Variants in PKP3 observed in about 807,000 individuals in gnomAD.
The protein encoded by PKP3 is plakophilin 3, also known as plakophilin-3.
In PKP3, 66 loss-of-function variants were observed where a neutral mutation model predicts 76.5. That is an observed-to-expected ratio of 0.86 (90% CI 0.71 to 1.06). The LOEUF is 1.06. PKP3 is among the 50% of genes least tolerant of loss of function. The pLI is 0.00. For missense variants in PKP3, 1,338 were observed against 1,141.0 expected, an observed-to-expected ratio of 1.17 and a Z score of -2.49; for synonymous variants, 638 against 516.5, an observed-to-expected ratio of 1.24 and a Z score of -3.19.
In PKP3 at chr11:400,615, G is replaced by A; in HGVS notation, c.1647G>A (p.Arg549=). 2 of 1,435,432 alleles carry A rather than the reference G, an allele frequency of 1.4e-6. No individual in the cohort carries two copies. 88.9% of individuals were successfully genotyped at this position (1,435,432 alleles called of 1,614,324 possible). A position where few individuals can be genotyped will look rare whatever the true frequency, so the allele number is the denominator to read the frequency against. The change falls in exon 8 of 13, where the codon CGG becomes CGA. Residue 549 remains arginine, a synonymous_variant. Transcript: ENST00000331563. ...YDEMPPSALQ[R]LEGRGRRDLA... ...AGATGCCGCCGTCCGCGCTGCAGCG[G>A]CTGGAGGGTCGCGGCCGCAGGGACC...
At chr11:396,262 A>C (rs1384033893) in intron 1 of PKP3, 2 of 263,054 alleles carry the variant, frequency 7.6e-6, no homozygotes, top group Non-Finnish European at 1.4e-5. Flanking sequence ...TTCCTGGAGG[A>C]GGCTGGGCAC....
In PKP3 at chr11:404,686, T is replaced by A; in HGVS notation, c.*117T>A. Reference sequence around the variant, plus strand: ...GGCTAATGACGGAGGGGCCCCTCGCTGGGGCCCCTGTGTGCATCTTTGAGG... The same window carrying A: ...GGCTAATGACGGAGGGGCCCCTCGCAGGGGCCCCTGTGTGCATCTTTGAGG... On this transcript the variant is annotated 3_prime_UTR_variant, in exon 13 of 13. Transcript: ENST00000331563. This position sits in a 1 kb window ranked among gnomAD's most constrained non-coding sequence, Gnocchi z 4.2. The A allele has an allele frequency of 2.7e-5, 25 of 938,512 alleles. No individual in the cohort carries two copies. The highest frequency in any genetic ancestry group is 3.7e-5 in the Non-Finnish European group (22 of 601,218). 58.1% of individuals were successfully genotyped at this position (938,512 alleles called of 1,614,324 possible).
chr11:404,839 G>C lies in PKP3; in HGVS notation c.*270G>C. ...TGACCCAGTCACATTGGCAGAGGTG[G>C]GGGTTGGCTGTGGCCTGGCAGTATC... On this transcript the variant is annotated 3_prime_UTR_variant, in exon 13 of 13. Transcript: ENST00000331563. This position sits in a 1 kb window ranked among gnomAD's most constrained non-coding sequence, Gnocchi z 4.2. The C allele has an allele frequency of 1.9e-6, 1 of 529,800 alleles. No individual in the cohort carries two copies. Among genetic ancestry groups the C allele is most frequent in the Non-Finnish European group, 3.4e-6 (1 of 292,390 alleles). The allele number at this position is 529,800 out of a possible 1,614,324, so 32.8% of individuals were successfully genotyped here. A position where few individuals can be genotyped will look rare whatever the true frequency, so the allele number is the denominator to read the frequency against.
rs116776168 is a variant in PKP3, at chr11:395,994, G to A, written c.233-614G>A. 9.7e-3 allele frequency among the ~76,000 whole-genome samples: 1,473 copies of A among 151,974 alleles called. 38 individuals are homozygous for A. Among genetic ancestry groups the A allele is most frequent in the African/African-American group, 0.034 (1,403 of 41,474 alleles). On this transcript the variant is annotated intron_variant, in intron 1 of 12. Transcript: ENST00000331563. Reference sequence around the variant, plus strand: ...CTGCCTGTCCCTCCATCCACCCTCCGCCCTCCACCCTCTGCCCACCCACCT... The same window carrying A: ...CTGCCTGTCCCTCCATCCACCCTCCACCCTCCACCCTCTGCCCACCCACCT...
At chr11:400,268 C>A in intron 6 of PKP3, 66 bp from the exon 7 acceptor site, 3 of 1,442,462 alleles carry the variant, frequency 2.1e-6, no homozygotes, top group Non-Finnish European at 2.8e-6. Context: ...CGAGGGCCCA[C>A]GATGGGTTGG....
rs913005931 is a variant in PKP3 at position 394,387 on chromosome 11, G to C, written c.95G>C (p.Gly32Ala). 1.3e-6 allele frequency: 2 copies of C among 1,490,780 alleles called. No homozygotes were observed. Among genetic ancestry groups the C allele is most frequent in the Non-Finnish European group, 1.8e-6 (2 of 1,128,294 alleles). 92.3% of individuals were successfully genotyped at this position (1,490,780 alleles called of 1,614,324 possible). ...TCTGACCTGCAGCTGGACCGCCGGG[G>C]CGCCGAGGGGCCGGAGGCCGAGCGG... ...LPSDLQLDRRGAEGPEAERLR... is the reference protein window; with the variant it reads ...LPSDLQLDRRAAEGPEAERLR... The change falls in exon 1 of 13, where the codon GGC (glycine) becomes GCC (alanine). Residue 32 changes from glycine to alanine, a missense_variant. By Grantham distance (60) the Gly-to-Ala change is moderately conservative (BLOSUM62 0). Transcript: ENST00000331563.
At chr11:396,424 CAT>C (rs769763983) in intron 1 of PKP3, 182 bp from the exon 2 acceptor site, 2 of 540,732 alleles carry the variant, frequency 3.7e-6, no homozygotes, top group Non-Finnish European at 6.5e-6. Context: ...CCAGGGCTGA[CAT>C]GTGAGGAGAC....
intron 8 of PKP3, 76 bp downstream of exon 8, chr11:400,781 C>A (rs1167755444): frequency 2.5e-6 from 2 of 788,054 alleles, no homozygotes; most frequent in South Asian, 6.2e-5. Context: ...CGCTCACCCC[C>A]GCCCCGCTCA....
chr11:397,271 G>T lies in PKP3; in HGVS notation c.770G>T (p.Ser257Ile). ...CGGACCCTGCAGCGATTCCAGAGCAGCCACCGGAGCCGCGGGGTAGGCGGG... is the reference window on the plus strand; with the variant it reads ...CGGACCCTGCAGCGATTCCAGAGCATCCACCGGAGCCGCGGGGTAGGCGGG... ...AVRTLQRFQS[S>I]HRSRGVGGAV... The change falls in exon 3 of 13, where the codon AGC becomes ATC. Residue 257 changes from serine to isoleucine, a missense_variant. Physicochemically the swap from Ser to Ile is moderately radical, Grantham distance 142 (BLOSUM62 -2). Coordinates refer to ENST00000331563, the MANE Select transcript of PKP3 (RefSeq NM_007183.4). The T allele has an allele frequency of 6.3e-7, 1 of 1,597,324 alleles. No individual in the cohort carries two copies.
intron 8 of PKP3, 73 bp downstream of exon 8, chr11:400,778 C>CCCCGCCCCGCTCACA: frequency 1.2e-6 from 1 of 821,342 alleles, no homozygotes; most frequent in Non-Finnish European, 1.5e-6. Context: ...CCCCGCTCAC[C>CCCCGCCCCGCTCACA]CCCGCCCCGC....
At chr11:403,808 C>A (rs973769681) in intron 10 of PKP3, 37 bp downstream of exon 10, 3 of 1,600,418 alleles carry the variant, frequency 1.9e-6, no homozygotes, top group Non-Finnish European at 2.5e-6. Context: ...CCCTGCTGGA[C>A]CCACATGTCA....
At chr11:392,697 A>G, upstream of PKP3, 1 of 1,286,436 alleles carries the variant, frequency 7.8e-7, no homozygotes, top group Non-Finnish European at 1.0e-6. Flanking sequence ...CGGGATCCGG[A>G]CCACGAGCCG....
intron 5 of PKP3, 102 bp downstream of exon 5, chr11:399,298 T>A: frequency 2.7e-6 from 1 of 365,342 alleles, no homozygotes; most frequent in Admixed American, 6.7e-5. Context: ...CTGCCCACCA[T>A]CTGCCCCCCT....
intron 7 of PKP3, 31 bp downstream of exon 7, chr11:400,482 GC>G (rs1222640436): frequency 3.3e-6 from 5 of 1,514,886 alleles, no homozygotes; most frequent in Admixed American, 4.1e-5. Flanking sequence ...GAGGGGCCGT[GC>G]CCCCGGGCCG....
At position 404,396 on chromosome 11, in the gene PKP3, G is replaced by C; in HGVS notation, c.2358+73G>C. 1 of 1,484,260 alleles carries C rather than the reference G, an allele frequency of 6.7e-7. No homozygotes were observed. The highest frequency in any genetic ancestry group is 9.4e-7 in the Non-Finnish European group (1 of 1,063,088). 91.9% of individuals were successfully genotyped at this position (1,484,260 alleles called of 1,614,324 possible). On this transcript the variant is annotated intron_variant, in intron 12 of 12. Transcript: ENST00000331563. This position sits in a 1 kb window ranked among gnomAD's most constrained non-coding sequence, Gnocchi z 4.2. ...GGGACGCCGGGGGAGGGTCAGTGAA[G>C]AGGCCCATGGGAGGATGGAGACCAG... is the stretch of plus-strand genomic sequence containing the variant.
intron 4 of PKP3, among the ~76,000 whole-genome samples, chr11:398,271 C>T (rs1397873953): frequency 1.1e-5 from 1 of 93,740 alleles, no homozygotes; most frequent in Admixed American, 9.7e-5. Flanking sequence ...CTCCGTACAC[C>T]CGCACACACC....
intron 4 of PKP3, 87 bp from the exon 5 acceptor site, chr11:398,905 C>G: frequency 9.5e-7 from 1 of 1,052,298 alleles, no homozygotes. Context: ...ATATCTACAT[C>G]TACGCACCTG....
At chr11:395,469 C>T (rs1187426045) in intron 1 of PKP3, among the ~76,000 whole-genome samples, 1 of 152,148 alleles carries the variant, frequency 6.6e-6, no homozygotes, top group Non-Finnish European at 1.5e-5. Flanking sequence ...GTGACCAAGT[C>T]GGGTGCCCAG....
At position 403,693 on chromosome 11, in the gene PKP3, G is replaced by T. The variant is rs754778202; in HGVS notation, c.1999G>T (p.Ala667Ser). 8.7e-6 allele frequency: 14 copies of T among 1,610,194 alleles called. No individual in the cohort carries two copies. The highest frequency in any genetic ancestry group is 1.2e-5 in the Non-Finnish European group (14 of 1,179,760). Residue 667 changes from alanine (A) to serine (S), a missense_variant, in exon 10 of 13, where the codon GCC becomes TCC. Ala to Ser is a moderately conservative substitution (Grantham distance 99). Coordinates refer to ENST00000331563, the MANE Select transcript of PKP3 (RefSeq NM_007183.4). The stretch of plus-strand genomic sequence containing the variant: ...CCCCCTGCTAGACCGTGTCAGGACC[G>T]CCGACCACCACCAGCTGCGCTCACT... ...LNPLLDRVRT[A>S]DHHQLRSLTG...
Sources: gnomAD v4.1 joint callset for allele counts (sites outside exome capture counted in the v4.1 genomes callset) on GRCh38, gnomAD v4.1.1 for gene constraint, Gnocchi (gnomAD v3.1) non-coding constraint, MANE v1.5 for transcripts, NCBI Gene and HGNC (gene_info 2026-07-23, HGNC 2026-07-21) for gene names.